Variants in IGF1R observed in about 807,000 individuals in gnomAD.
IGF1R encodes the protein insulin like growth factor 1 receptor.
A neutral mutation model predicts 144.6 loss-of-function variants in IGF1R; 44 were observed. The observed-to-expected ratio is 0.30, with a 90% confidence interval of 0.24 to 0.39. IGF1R has a LOEUF of 0.39. Ranked by LOEUF, IGF1R falls within the 10% of genes least tolerant of loss-of-function variation. IGF1R has a pLI of 1.00. For missense variants in IGF1R, 1,355 were observed against 1,833.7 expected (o/e 0.74, Z 4.77); for synonymous variants, 795 against 722.8 (o/e 1.10, Z -1.60).
At chr15:98,933,745 C>G (rs1310883545) in intron 15 of IGF1R, among the ~76,000 whole-genome samples, 1 of 152,080 alleles carries the variant, frequency 6.6e-6, no homozygotes, top group Admixed American at 6.5e-5. Context: ...GTCAAGGTCC[C>G]TGAGTTCACA....
At chr15:98,781,951 A>G (rs1361048434) in intron 2 of IGF1R, among the ~76,000 whole-genome samples, 1 of 152,140 alleles carries the variant, frequency 6.6e-6, no homozygotes, top group Admixed American at 6.6e-5. Context: ...GCACTGGCCT[A>G]AAATGTTTTC....
intron 2 of IGF1R, among the ~76,000 whole-genome samples, chr15:98,830,603 A>ATTTTTTTTTTTTTTT (rs1555450173): frequency 7.5e-6 from 1 of 133,718 alleles, no homozygotes; most frequent in African/African-American, 3.3e-5. Context: ...TCTGATCATC[A>ATTTTTTTTTTTTTTT]TCTTTTTTTT....
At chr15:98,762,008 G>A (rs972496480) in intron 2 of IGF1R, among the ~76,000 whole-genome samples, 1 of 152,112 alleles carries the variant, frequency 6.6e-6, no homozygotes, top group African/African-American at 2.4e-5. Flanking sequence ...TATATCAGTC[G>A]ATCTTGCCTG....
intron 1 of IGF1R, among the ~76,000 whole-genome samples, chr15:98,669,429 C>G (rs894252116): frequency 6.6e-6 from 1 of 152,314 alleles, no homozygotes; most frequent in East Asian, 1.9e-4. Context: ...TCTTGCCACC[C>G]TGGGCTTTGA....
chr15:98,908,204 C>T (rs968353094), intron 5 of IGF1R, among the ~76,000 whole-genome samples: 1 of 152,208 alleles, frequency 6.6e-6, no homozygotes, highest in Non-Finnish European at 1.5e-5. Context: ...AGCTTGTCTC[C>T]CTGTCTCATG....
intron 1 of IGF1R, among the ~76,000 whole-genome samples, chr15:98,685,674 C>G (rs2141222112): frequency 6.6e-6 from 1 of 152,290 alleles, no homozygotes; most frequent in South Asian, 2.1e-4. Context: ...GTGGTGCTTC[C>G]TCCAGATAAT....
chr15:98,929,592 T>G lies in IGF1R; in HGVS notation c.2817T>G (p.Ala939=). 5.6e-6 allele frequency: 9 copies of G among 1,614,232 alleles called. No individual in the cohort carries two copies. Among genetic ancestry groups the G allele is most frequent in the Non-Finnish European group, 7.6e-6 (9 of 1,180,014 alleles). The change falls in exon 14 of 21, where the codon GCT becomes GCG. Residue 939 remains alanine, a synonymous_variant. Transcript: ENST00000650285. ...GYENFIHLII[A]LPVAVLLIVG... is the part of the protein sequence containing the mutation. Reference sequence around the variant, plus strand: ...AAAACTTCATCCATCTGATCATCGCTCTGCCCGTCGCTGTCCTGTTGATCG... The same window carrying G: ...AAAACTTCATCCATCTGATCATCGCGCTGCCCGTCGCTGTCCTGTTGATCG...
intron 2 of IGF1R, among the ~76,000 whole-genome samples, chr15:98,784,856 C>T (rs984074563): frequency 3.3e-5 from 5 of 152,108 alleles, no homozygotes; most frequent in East Asian, 1.9e-4. Flanking sequence ...TATATGCAAG[C>T]GCTGCCATTT....
rs1596353444 is a variant in IGF1R, at chr15:98,845,569, T to TCTC, written c.641-45756_641-45755insCTC. ...CCCCCTCCTCTCTCCTCTTCTCTCG[T>TCTC]TTCTCTTCTCTCTCTTCTTTCTCTC... is the stretch of plus-strand genomic sequence containing the variant. On this transcript the variant is annotated intron_variant, in intron 2 of 20. Transcript: ENST00000650285. Among the ~76,000 whole-genome samples the TCTC allele has an allele frequency of 4.2e-5, 6 of 142,424 alleles. No homozygotes were observed. The East Asian group carries it at 1.3e-3, about 31-fold the overall frequency. The allele number at this position is 142,424 out of a possible 152,430, so 93.4% of individuals were successfully genotyped here.
chr15:98,893,902 A>G (rs1008078757), intron 3 of IGF1R, among the ~76,000 whole-genome samples: 3 of 152,184 alleles, frequency 2.0e-5, no homozygotes, highest in South Asian at 4.1e-4. Context: ...CTTATTTAAC[A>G]ATTACTTTGA....
chr15:98,911,733 C>T (rs7168671), intron 7 of IGF1R, among the ~76,000 whole-genome samples: 37,987 of 152,084 alleles, frequency 0.25, 5,602 homozygotes, highest in African/African-American at 0.41. Flanking sequence ...GGAAAGCTTG[C>T]TTTTTCCAGA....
At chr15:98,905,851 C>T (rs1425525132) in intron 5 of IGF1R, among the ~76,000 whole-genome samples, 2 of 152,272 alleles carry the variant, frequency 1.3e-5, no homozygotes, top group South Asian at 2.1e-4. Context: ...CTGCCTTTTA[C>T]CTTCTCTTAA....
intron 2 of IGF1R, among the ~76,000 whole-genome samples, chr15:98,799,694 G>T (rs997478389): frequency 6.6e-6 from 1 of 152,148 alleles, no homozygotes; most frequent in African/African-American, 2.4e-5. Flanking sequence ...GGAGTGCTGA[G>T]GGCTGCTGTT....
intron 2 of IGF1R, among the ~76,000 whole-genome samples, chr15:98,881,985 A>C (rs1042674626): frequency 6.6e-6 from 1 of 152,246 alleles, no homozygotes; most frequent in Non-Finnish European, 1.5e-5. Flanking sequence ...GTTTTTGTGA[A>C]CAAGAAGACC....
intron 13 of IGF1R, 77 bp downstream of exon 13, chr15:98,924,761 C>A: frequency 7.8e-7 from 1 of 1,282,564 alleles, no homozygotes. Context: ...CCCGAGTGTT[C>A]ATGGCTGTCT....
At chr15:98,652,861 A>T (rs2052402757) in intron 1 of IGF1R, among the ~76,000 whole-genome samples, 1 of 151,904 alleles carries the variant, frequency 6.6e-6, no homozygotes, top group Non-Finnish European at 1.5e-5. Context: ...AGCTCTAAAT[A>T]TACTTAAAAC....
intron 2 of IGF1R, among the ~76,000 whole-genome samples, chr15:98,738,776 G>C (rs1191654015): frequency 1.3e-5 from 2 of 152,118 alleles, no homozygotes; most frequent in African/African-American, 4.8e-5. Context: ...TTCACAGTTT[G>C]CCGGTCATTT....
chr15:98,760,179 TAAAAA>T (rs5814896), intron 2 of IGF1R, among the ~76,000 whole-genome samples: 22 of 145,026 alleles, frequency 1.5e-4, no homozygotes, highest in African/African-American at 5.1e-4. Context: ...TGTCTCTACT[TAAAAA>T]AAAAAAAAAT....
At chr15:98,849,650 C>A (rs1384101317) in intron 2 of IGF1R, among the ~76,000 whole-genome samples, 1 of 152,164 alleles carries the variant, frequency 6.6e-6, no homozygotes, top group Non-Finnish European at 1.5e-5. Context: ...TCTGAAACTT[C>A]TATCACAAAG....
Sources: allele counts gnomAD v4.1 joint callset (sites outside exome capture counted in the v4.1 genomes callset), GRCh38; gene constraint gnomAD v4.1.1; transcripts MANE v1.5; gene names NCBI Gene and HGNC (gene_info 2026-07-23, HGNC 2026-07-21).